GABPB2: variants seen among roughly 807,000 people sequenced by gnomAD.
GABPB2 encodes the protein GA-binding protein subunit beta-2.
GABPB2 carries 23 observed loss-of-function variants against 39.1 expected under a neutral mutation model. The ratio of observed to expected loss-of-function variants is 0.59; its 90% CI spans 0.42 to 0.83. GABPB2 has a LOEUF of 0.83. Among genes scored for constraint, GABPB2 ranks in the 40% least tolerant of loss-of-function variants. The probability of loss-of-function intolerance (pLI) is 0.00; values close to 1 mark genes in which losing one functional copy is unlikely to be tolerated. For missense variants in GABPB2, 467 were observed against 541.1 expected, an observed-to-expected ratio of 0.86 and a Z score of 1.36; for synonymous variants, 184 against 199.3, an observed-to-expected ratio of 0.92 and a Z score of 0.65.
intron 6 of GABPB2, among the ~76,000 whole-genome samples, chr1:151,106,017 A>G (rs1169526601): frequency 6.6e-6 from 1 of 150,796 alleles, no homozygotes; most frequent in African/African-American, 2.4e-5. Flanking sequence ...GCTGGAGTGC[A>G]ATGGCGTGAT....
intron 1 of GABPB2, among the ~76,000 whole-genome samples, chr1:151,084,197 C>A (rs1677969835): frequency 6.6e-6 from 1 of 151,798 alleles, no homozygotes; most frequent in Non-Finnish European, 1.5e-5. Flanking sequence ...CAGGCGTGAG[C>A]CACTGTGCCC....
chr1:151,108,005 T>A (rs1244933503), intron 7 of GABPB2, among the ~76,000 whole-genome samples: 1 of 151,704 alleles, frequency 6.6e-6, no homozygotes, highest in Non-Finnish European at 1.5e-5. Context: ...GAAGTGCAAA[T>A]ACTGTACTGA....
At chr1:151,102,949 T>G (rs1370930948) in intron 5 of GABPB2, among the ~76,000 whole-genome samples, 1 of 151,690 alleles carries the variant, frequency 6.6e-6, no homozygotes, top group Non-Finnish European at 1.5e-5. Flanking sequence ...AGGGAGTGGG[T>G]AGCACTCTTG....
intron 6 of GABPB2, among the ~76,000 whole-genome samples, chr1:151,104,802 T>TTTC (rs10638922): frequency 0.037 from 5,094 of 139,312 alleles, 189 homozygotes; most frequent in African/African-American, 0.091. Context: ...TCTTTCTTTC[T>TTTC]TTTCTTTCTT....
At chr1:151,117,887 CT>C in intron 8 of GABPB2, 69 bp from the exon 9 acceptor site, 1 of 1,474,164 alleles carries the variant, frequency 6.8e-7, no homozygotes, top group Non-Finnish European at 9.3e-7. Context: ...CCTGGCCTGT[CT>C]TTTTGTCTAC....
At chr1:151,116,907 G>A (rs760580554) in intron 7 of GABPB2, among the ~76,000 whole-genome samples, 14 of 152,114 alleles carry the variant, frequency 9.2e-5, no homozygotes, top group Non-Finnish European at 1.8e-4. Context: ...ACCTTGCCCT[G>A]CCATTTCTGG....
intron 7 of GABPB2, among the ~76,000 whole-genome samples, chr1:151,114,958 C>T (rs766410135): frequency 4.6e-5 from 7 of 151,940 alleles, no homozygotes; most frequent in Non-Finnish European, 8.8e-5. Flanking sequence ...TGCAGTGAGC[C>T]AGCATCATTG....
At chr1:151,082,388 A>ATTTTTTTTTTTTTTTTTTTTTTT (rs1558128810) in intron 1 of GABPB2, among the ~76,000 whole-genome samples, 1 of 124,546 alleles carries the variant, frequency 8.0e-6, no homozygotes, top group African/African-American at 3.1e-5. Context: ...ACAAGTGGTA[A>ATTTTTTTTTTTTTTTTTTTTTTT]TTTCTTTTTT....
chr1:151,078,611 A>G (rs1299853232), intron 1 of GABPB2, among the ~76,000 whole-genome samples: 5 of 152,048 alleles, frequency 3.3e-5, no homozygotes, highest in Non-Finnish European at 7.4e-5. Context: ...AATAGAAAAA[A>G]AAATTCATTT....
intron 1 of GABPB2, among the ~76,000 whole-genome samples, chr1:151,080,847 CTA>C (rs1301206548): frequency 2.7e-5 from 4 of 145,794 alleles, no homozygotes; most frequent in Non-Finnish European, 4.5e-5. Context: ...TAGAGGAAGA[CTA>C]TGTCTCACAA....
At chr1:151,088,151 G>A (rs758351947) in intron 1 of GABPB2, 39 bp from the exon 2 acceptor site, 4 of 1,449,086 alleles carry the variant, frequency 2.8e-6, no homozygotes, top group Non-Finnish European at 1.9e-6. Context: ...TTATGTTCGA[G>A]TTATAGCTAC....
chr1:151,081,190 T>TA (rs1336756411), intron 1 of GABPB2, among the ~76,000 whole-genome samples: 3 of 151,492 alleles, frequency 2.0e-5, no homozygotes, highest in Admixed American at 6.6e-5. Flanking sequence ...AACATTTTTA[T>TA]AAAAAATATA....
intron 7 of GABPB2, among the ~76,000 whole-genome samples, chr1:151,114,465 C>T (rs1303529280): frequency 6.6e-6 from 1 of 151,538 alleles, no homozygotes; most frequent in Non-Finnish European, 1.5e-5. Flanking sequence ...TTTGGGAGGC[C>T]GAGGTGGACG....
At chr1:151,113,469 CAAAAAAAAAAA>C (rs959062545) in intron 7 of GABPB2, among the ~76,000 whole-genome samples, 1 of 63,294 alleles carries the variant, frequency 1.6e-5, no homozygotes, top group Admixed American at 1.8e-4. Context: ...ACTCCAACTG[CAAAAAAAAAAA>C]AAAAAAAAAT....
chr1:151,088,956 C>T (rs1678441320), intron 2 of GABPB2, among the ~76,000 whole-genome samples: 1 of 151,388 alleles, frequency 6.6e-6, no homozygotes, highest in African/African-American at 2.4e-5. Flanking sequence ...GCGGAGATTG[C>T]ACCATTGCAC....
intron 1 of GABPB2, among the ~76,000 whole-genome samples, chr1:151,084,112 C>T (rs867751207): frequency 1.5e-4 from 23 of 151,202 alleles, no homozygotes; most frequent in Non-Finnish European, 2.5e-4. Context: ...CTGTGTTGCC[C>T]GGGGTAGTCG....
At chr1:151,090,600 T>G in intron 3 of GABPB2, 27 bp downstream of exon 3, 1 of 1,607,546 alleles carries the variant, frequency 6.2e-7, no homozygotes, top group South Asian at 1.1e-5. Context: ...GGCAAGGTTA[T>G]GTTGTTAAAA....
chr1:151,113,981 G>A (rs1254337626), intron 7 of GABPB2, among the ~76,000 whole-genome samples: 1 of 152,066 alleles, frequency 6.6e-6, no homozygotes, highest in Non-Finnish European at 1.5e-5. Flanking sequence ...TCCATGATAT[G>A]GATGTACCAC....
chr1:151,106,843 G>A (rs926573449), intron 6 of GABPB2, among the ~76,000 whole-genome samples, 194 bp from the exon 7 acceptor site: 1 of 152,048 alleles, frequency 6.6e-6, no homozygotes, highest in Non-Finnish European at 1.5e-5. Context: ...ACAAAATACT[G>A]TTCTAATGCA....
Sources: allele counts gnomAD v4.1 joint callset (sites outside exome capture counted in the v4.1 genomes callset), GRCh38; gene constraint gnomAD v4.1.1; transcripts MANE v1.5; gene names NCBI Gene and HGNC (gene_info 2026-07-23, HGNC 2026-07-21).